Variants in LAMA4 observed in about 807,000 individuals in gnomAD.
The protein encoded by LAMA4 is laminin subunit alpha 4.
A neutral mutation model predicts 207.1 loss-of-function variants in LAMA4; 127 were observed. The ratio of observed to expected loss-of-function variants is 0.61; its 90% confidence interval spans 0.53 to 0.71. The LOEUF (loss-of-function observed/expected upper bound fraction) is 0.71, where lower values mean the gene tolerates loss of function less well. LAMA4 is among the 30% of genes least tolerant of loss of function. The pLI is 0.00. For synonymous variants in LAMA4, 761 were observed against 816.0 expected (o/e 0.93, Z 1.15); for missense variants, 2,093 against 2,246.5 (o/e 0.93, Z 1.38).
chr6:112,252,537 A>T (rs1787533204), intron 2 of LAMA4, among the ~76,000 whole-genome samples: 1 of 152,234 alleles, frequency 6.6e-6, no homozygotes, highest in Non-Finnish European at 1.5e-5. Context: ...CAATGAAAAC[A>T]AATTTTAATA....
chr6:112,164,326 T>C (rs1412739798), intron 13 of LAMA4, among the ~76,000 whole-genome samples: 1 of 152,158 alleles, frequency 6.6e-6, no homozygotes, highest in Non-Finnish European at 1.5e-5. Flanking sequence ...GTGGGCATTC[T>C]AGAATAAGTG....
chr6:112,155,317 C>T (rs1780642024), intron 15 of LAMA4: 2 of 558,784 alleles, frequency 3.6e-6, no homozygotes, highest in Non-Finnish European at 6.3e-6. Context: ...TTTTTTTTTT[C>T]AGGGACTTTG....
At chr6:112,226,459 C>G (rs1434545234) in intron 2 of LAMA4, among the ~76,000 whole-genome samples, 1 of 152,208 alleles carries the variant, frequency 6.6e-6, no homozygotes. Flanking sequence ...TCTTTCCCTA[C>G]TTCATCTCAC....
At chr6:112,220,407 G>A (rs1554360236) in intron 2 of LAMA4, among the ~76,000 whole-genome samples, 1 of 152,098 alleles carries the variant, frequency 6.6e-6, no homozygotes, top group Non-Finnish European at 1.5e-5. Context: ...ATCATTGTAT[G>A]TGTACTTGCC....
chr6:112,178,254 G>C (rs200679874), intron 9 of LAMA4, 22 bp from the exon 10 acceptor site: 49 of 1,534,012 alleles, frequency 3.2e-5, no homozygotes, highest in Middle Eastern at 3.4e-4. Flanking sequence ...CCGTATAAAG[G>C]CTAGATTAAA....
At position 112,191,728 on chromosome 6, in the gene LAMA4, C is replaced by T. The variant is rs1554349125; in HGVS notation, c.626G>A (p.Cys209Tyr). 1.2e-6 allele frequency: 2 copies of T among 1,614,120 alleles called. No homozygotes were observed. The highest frequency in any genetic ancestry group is 2.2e-5 in the East Asian group (1 of 44,858). Residue 209 changes from cysteine to tyrosine, a missense_variant, in exon 6 of 39, where the codon TGT becomes TAT. Around this residue, in one of 3 missense-constraint regions of LAMA4, gnomAD observed 1,704 missense variants for 1,788.4 expected, o/e 0.95. Transcript: ENST00000230538. ...GGTGGTGTTGCGTAAGCAATTCCTACACTGGCCAGTGACTTCATCACAATC... is the reference window on the plus strand; with the variant it reads ...GGTGGTGTTGCGTAAGCAATTCCTATACTGGCCAGTGACTTCATCACAATC... The part of the protein sequence containing the change: ...FEDCDEVTGQ[C>Y]RNCLRNTTGF...
At chr6:112,131,875 T>A (rs1554329887) in intron 28 of LAMA4, among the ~76,000 whole-genome samples, 2 of 152,164 alleles carry the variant, frequency 1.3e-5, no homozygotes, top group East Asian at 3.9e-4. Context: ...TCAGTGTATA[T>A]ATTGATGATG....
Position 112,122,992 on chromosome 6 carries a change from G to T in LAMA4, c.4288-791C>A, listed in dbSNP as rs139708741. On this transcript the variant is annotated intron_variant, in intron 31 of 38. Transcript: ENST00000230538. ...GGGGAATAGAAAGTGAATGAGAAAT[G>T]ATTCCTGTTTTTTAAGGAACTGAAA... 3.3e-5 allele frequency among the ~76,000 whole-genome samples: 5 copies of T among 152,286 alleles called. No homozygotes were observed. The East Asian group carries it at 5.8e-4, about 18-fold the overall frequency.
chr6:112,179,836 G>T, intron 9 of LAMA4: 1 of 503,222 alleles, frequency 2.0e-6, no homozygotes. Context: ...ACTGTGCAGC[G>T]GCAATGTGGT....
rs182571220 is a variant in LAMA4 at position 112,117,993 on chromosome 6, C to T, written c.4822-95G>A. ...GGGGTTTGAGTCCTGAAGGAACCCA[C>T]GTAATTCCTTGTTTCATTTATTTCA... On this transcript the variant is annotated intron_variant, in intron 34 of 38. Coordinates refer to ENST00000230538, the MANE Select transcript of LAMA4 (RefSeq NM_001105206.3). This position sits in a 1 kb window ranked among gnomAD's most constrained non-coding sequence, Gnocchi z 4.5. 2.1e-4 allele frequency: 207 copies of T among 963,088 alleles called. 4 individuals carry two copies. The Admixed American group carries it at 3.4e-3, about 16-fold the overall frequency. 59.7% of individuals were successfully genotyped at this position (963,088 alleles called of 1,614,324 possible). A position where few individuals can be genotyped will look rare whatever the true frequency, so the allele number is the denominator to read the frequency against.
chr6:112,211,689 G>A (rs540875705), intron 3 of LAMA4, among the ~76,000 whole-genome samples: 59 of 152,302 alleles, frequency 3.9e-4, no homozygotes, highest in African/African-American at 1.3e-3. Context: ...AATGGAGGTG[G>A]TGACATTTGA....
intron 18 of LAMA4, among the ~76,000 whole-genome samples, chr6:112,146,611 G>C (rs1780046272): frequency 1.5e-5 from 2 of 136,294 alleles, no homozygotes; most frequent in Admixed American, 7.7e-5. Flanking sequence ...TCTTTCCTAA[G>C]GGCAGGGCCA....
intron 2 of LAMA4, among the ~76,000 whole-genome samples, chr6:112,224,780 C>T (rs1554361826): frequency 6.9e-6 from 1 of 144,504 alleles, no homozygotes; most frequent in Non-Finnish European, 1.5e-5. Context: ...TGCGCCATTG[C>T]ACTCCAGCCT....
chr6:112,180,011 T>A (rs1159677431), intron 9 of LAMA4: 1 of 478,762 alleles, frequency 2.1e-6, no homozygotes, highest in Non-Finnish European at 4.3e-6. Flanking sequence ...CTATAATAAA[T>A]CTTAATATTA....
chr6:112,149,462 C>T (rs1052747335), intron 17 of LAMA4, among the ~76,000 whole-genome samples: 1 of 152,030 alleles, frequency 6.6e-6, no homozygotes, highest in African/African-American at 2.4e-5. Context: ...GACAGTTTTC[C>T]CCATGCTATT....
chr6:112,202,141 T>G (rs1485517015), intron 4 of LAMA4, among the ~76,000 whole-genome samples: 1 of 152,192 alleles, frequency 6.6e-6, no homozygotes, highest in Non-Finnish European at 1.5e-5. Flanking sequence ...TTCTTTCATG[T>G]GTACTTTAAA....
intron 10 of LAMA4, 72 bp downstream of exon 10, chr6:112,178,049 A>G (rs1782125809): frequency 1.9e-6 from 2 of 1,062,000 alleles, no homozygotes; most frequent in South Asian, 1.3e-5. Context: ...AACAGTAGCC[A>G]TTATGCCTAC....
chr6:112,206,909 T>C, intron 4 of LAMA4, 112 bp downstream of exon 4: 1 of 1,271,130 alleles, frequency 7.9e-7, no homozygotes, highest in African/African-American at 1.5e-5. Flanking sequence ...CAATATGAGG[T>C]TTTGCCTGTG....
intron 3 of LAMA4, chr6:112,213,463 C>A (rs1160742557): frequency 6.6e-6 from 1 of 152,254 alleles, no homozygotes; most frequent in Non-Finnish European, 1.5e-5. Flanking sequence ...ACCGAGCTGA[C>A]TCAGCTGAGA....
Sources: gnomAD v4.1 joint callset for allele counts (sites outside exome capture counted in the v4.1 genomes callset) on GRCh38, gnomAD v4.1.1 for gene constraint, gnomAD v4.1.1 regional missense constraint, Gnocchi (gnomAD v3.1) non-coding constraint, MANE v1.5 for transcripts, NCBI Gene and HGNC (gene_info 2026-07-23, HGNC 2026-07-21) for gene names.